RYR1: variants seen among roughly 807,000 people sequenced by gnomAD.
RYR1 encodes the protein ryanodine receptor 1.
Under a neutral mutation model 583.5 loss-of-function variants are expected in RYR1, and 342 were observed. The observed-to-expected ratio is 0.59, with a 90% CI of 0.54 to 0.64. The LOEUF (loss-of-function observed/expected upper bound fraction) is 0.64, where lower values mean the gene tolerates loss of function less well. Ranked by LOEUF, RYR1 falls within the 30% of genes least tolerant of loss-of-function variation. The pLI, the probability that RYR1 is intolerant of heterozygous loss-of-function variation, is 0.00. For synonymous variants in RYR1, 2,791 were observed against 2,822.5 expected (o/e 0.99, Z 0.35); for missense variants, 6,032 against 6,917.2 (o/e 0.87, Z 4.54).
intron 27 of RYR1, among the ~76,000 whole-genome samples, chr19:38,472,265 ATT>A (rs752851342): frequency 6.6e-6 from 1 of 151,784 alleles, no homozygotes; most frequent in Non-Finnish European, 1.5e-5. Flanking sequence ...CGCCTGGCTA[ATT>A]TTTTTGTATT....
rs147493512 is a variant in RYR1, at chr19:38,521,010, T to A, written c.10259+1556T>A. ...AAGTTTGGGGCCGGGTGCAGTGGCT[T>A]ACAACTGTAATCCCAGCACTTTGAG... On this transcript the variant is annotated intron_variant, in intron 67 of 105. Coordinates refer to ENST00000359596, the MANE Select transcript of RYR1 (RefSeq NM_000540.3). 8.7e-3 allele frequency among the ~76,000 whole-genome samples: 1,317 copies of A among 151,880 alleles called. 10 individuals carry two copies. The highest frequency in any genetic ancestry group is 0.013 in the Non-Finnish European group (878 of 67,902).
intron 22 of RYR1, 50 bp from the exon 23 acceptor site, chr19:38,464,589 C>T (rs1463351222): frequency 6.7e-7 from 1 of 1,488,290 alleles, no homozygotes; most frequent in Non-Finnish European, 9.2e-7. Context: ...GGAGACGGGG[C>T]AGGGAGCTCT....
intron 88 of RYR1, among the ~76,000 whole-genome samples, chr19:38,547,647 C>T (rs1972489643): frequency 6.6e-6 from 1 of 151,994 alleles, no homozygotes; most frequent in Admixed American, 6.6e-5. Flanking sequence ...AGTAGAGTCA[C>T]ACACTTCCCT....
chr19:38,567,428 G>A (rs564020163), intron 92 of RYR1, among the ~76,000 whole-genome samples: 96 of 152,290 alleles, frequency 6.3e-4, no homozygotes, highest in Admixed American at 1.5e-3. Context: ...AGGCCCCCAT[G>A]CCTACTCTGA....
In RYR1 at chr19:38,460,529, G is replaced by T. The variant is rs1395839581; in HGVS notation, c.2515G>T (p.Val839Leu). 22 of 1,613,958 alleles carry T rather than the reference G, an allele frequency of 1.4e-5. No individual in the cohort carries two copies. Among genetic ancestry groups the T allele is most frequent in the Non-Finnish European group, 1.8e-5 (21 of 1,180,028 alleles). The stretch of plus-strand genomic sequence containing the variant: ...GGAGGGGCCCCGGGGGCCTCACCTG[G>T]TGGGCCCCAGTCGCTGCCTCTCACA... ...RREGPRGPHL[V>L]GPSRCLSHTD... The change falls in exon 20 of 106, where the codon GTG (valine) becomes TTG (leucine). Residue 839 changes from valine (V) to leucine (L), a missense_variant. Physicochemically the swap from Val to Leu is conservative, Grantham distance 32. Coordinates refer to ENST00000359596, the MANE Select transcript of RYR1 (RefSeq NM_000540.3).
In RYR1 at chr19:38,506,511, G is replaced by A; in HGVS notation, c.8657G>A (p.Trp2886Ter). The A allele has an allele frequency of 6.2e-7, 1 of 1,614,086 alleles. No individual in the cohort carries two copies. The highest frequency in any genetic ancestry group is 8.5e-7 in the Non-Finnish European group (1 of 1,180,014). The change falls in exon 56 of 106, where the codon TGG (tryptophan) becomes TAG (stop). Residue 2886 changes from tryptophan (W) to a stop codon, truncating the protein, a stop_gained. Transcript: ENST00000359596. LOFTEE classifies it high-confidence loss of function. ...CTGGCAGAAAATTACCACAACACGTGGGGACGGAAGAAGAAGCAGGAGCTG... is the reference window on the plus strand; with the variant it reads ...CTGGCAGAAAATTACCACAACACGTAGGGACGGAAGAAGAAGCAGGAGCTG... ...EQLAENYHNT[W>*]GRKKKQELEA...
At chr19:38,523,984 C>A (rs930226686) in intron 70 of RYR1, 55 bp downstream of exon 70, 1 of 1,606,950 alleles carries the variant, frequency 6.2e-7, no homozygotes, top group Non-Finnish European at 8.5e-7. Flanking sequence ...CCCTCTTCCC[C>A]CAGCCTCTGC....
chr19:38,490,053 C>T, intron 35 of RYR1, 23 bp from the exon 36 acceptor site: 2 of 1,612,338 alleles, frequency 1.2e-6, no homozygotes, highest in Non-Finnish European at 1.7e-6. Flanking sequence ...CATCTCTCCT[C>T]CCACACGGCT....
In RYR1 at chr19:38,509,596, C is replaced by T. The variant is rs147003005; in HGVS notation, c.8933-902C>T. ...CCTCCCGAGTAGCTGGGACTACAGG[C>T]GCCTGCCACCATGCCCGGTTAATTT... On this transcript the variant is annotated intron_variant, in intron 58 of 105. Coordinates refer to ENST00000359596, the MANE Select transcript of RYR1 (RefSeq NM_000540.3). Among the ~76,000 whole-genome samples the T allele has an allele frequency of 5.9e-3, 900 of 151,892 alleles. 9 individuals carry two copies. Among genetic ancestry groups the T allele is most frequent in the African/African-American group, 0.02 (849 of 41,444 alleles).
intron 28 of RYR1, among the ~76,000 whole-genome samples, chr19:38,474,918 G>GGCT (rs2145490167): frequency 6.6e-6 from 1 of 152,128 alleles, no homozygotes; most frequent in African/African-American, 2.4e-5. Context: ...GTTTGGGAGG[G>GGCT]GCTGCTGCTG....
chr19:38,490,308 C>T (rs1458060197), intron 36 of RYR1, 32 bp downstream of exon 36: 1 of 1,593,682 alleles, frequency 6.3e-7, no homozygotes, highest in East Asian at 2.3e-5. Flanking sequence ...GCCACTTTTA[C>T]TGTCTAAACC....
chr19:38,523,392 C>T, intron 69 of RYR1, 83 bp downstream of exon 69: 1 of 1,538,904 alleles, frequency 6.5e-7, no homozygotes, highest in Non-Finnish European at 9.0e-7. Flanking sequence ...TGTCCTCACC[C>T]AGCCAGCCCG....
rs1316191544 is a variant in RYR1 at position 38,567,024 on chromosome 19, C to T, written c.13514+37C>T. Reference sequence around the variant, plus strand: ...TGGGGCTGAGGGGCCTAGCCCCTATCACTGCCTCCCTCCTAGAGTAGGAGC... The same window carrying T: ...TGGGGCTGAGGGGCCTAGCCCCTATTACTGCCTCCCTCCTAGAGTAGGAGC... On this transcript the variant is annotated intron_variant, in intron 92 of 105. Coordinates refer to ENST00000359596, the MANE Select transcript of RYR1 (RefSeq NM_000540.3). 3 of 1,556,620 alleles carry T rather than the reference C, an allele frequency of 1.9e-6. No individual in the cohort carries two copies. In the Middle Eastern group the frequency reaches 6.0e-4, roughly 311 times the overall value.
chr19:38,513,733 C>T lies in RYR1; in HGVS notation c.9472+1250C>T, dbSNP rs148226844. Among the ~76,000 whole-genome samples, 655 of 148,972 alleles carry T rather than the reference C, an allele frequency of 4.4e-3. 3 individuals carry two copies. The highest frequency in any genetic ancestry group is 0.015 in the African/African-American group (618 of 40,472). On this transcript the variant is annotated intron_variant, in intron 63 of 105. Coordinates refer to ENST00000359596, the MANE Select transcript of RYR1 (RefSeq NM_000540.3). ...CTTGGGCGACAGAGCAAGACTCCAT[C>T]TCAAAAAAAAAAAAAGAAAATTGTT...
rs758847105 is a variant in RYR1 at position 38,529,005 on chromosome 19, C to T, written c.11089C>T (p.Pro3697Ser). 3 of 1,613,724 alleles carry T rather than the reference C, an allele frequency of 1.9e-6. No homozygotes were observed. In the African/African-American group the frequency reaches 4.0e-5, roughly 22 times the overall value. ...EEEVEEKKPD[P>S]LHQLVLHFSR... is the part of the protein sequence containing the mutation. The stretch of plus-strand genomic sequence containing the variant: ...AGAGGTGGAAGAGAAGAAGCCAGAC[C>T]CCCTGCACCAGTTGGTCCTGCACTT... Residue 3697 changes from proline to serine, a missense_variant, in exon 76 of 106, where the codon CCC becomes TCC. Pro to Ser is a moderately conservative substitution (Grantham distance 74). Around this residue, in one of 11 missense-constraint regions of RYR1, gnomAD observed 1,493 missense variants for 1,715.5 expected, o/e 0.87. Coordinates refer to ENST00000359596, the MANE Select transcript of RYR1 (RefSeq NM_000540.3).
Position 38,460,408 on chromosome 19 carries a change from A to G in RYR1, c.2394A>G (p.Glu798=), listed in dbSNP as rs1337802150. 1 of 1,614,040 alleles carries G rather than the reference A, an allele frequency of 6.2e-7. No individual in the cohort carries two copies. The highest frequency in any genetic ancestry group is 1.7e-5 in the Admixed American group (1 of 60,002). The change falls in exon 20 of 106, where the codon GAA becomes GAG. Residue 798 remains glutamate (E), a synonymous_variant. Coordinates refer to ENST00000359596, the MANE Select transcript of RYR1 (RefSeq NM_000540.3). The stretch of plus-strand genomic sequence containing the variant: ...TCCTCCTTGGTGGCCGCCATGGTGA[A>G]TTCAAGTTCCTGCCCCCACCTGGCT... ...VRFLLGGRHG[E]FKFLPPPGYA...
In RYR1 at chr19:38,580,098, C is replaced by T. The variant is rs1232814586; in HGVS notation, c.14481C>T (p.Ile4827=). The change falls in exon 100 of 106, where the codon ATC becomes ATT. Residue 4827 remains isoleucine (I), a synonymous_variant. Transcript: ENST00000359596. ...TGGGGGTCAAGACGCTGCGCACCAT[C>T]CTGTCCTCTGTCACCCACAATGGGA... ...IAMGVKTLRT[I]LSSVTHNGKQ... is the part of the protein sequence containing the mutation. The T allele has an allele frequency of 6.2e-7, 1 of 1,614,226 alleles. No individual in the cohort carries two copies. Among genetic ancestry groups the T allele is most frequent in the Non-Finnish European group, 8.5e-7 (1 of 1,180,054 alleles).
At position 38,500,609 on chromosome 19, in the gene RYR1, A is replaced by G. The variant is rs1970064589; in HGVS notation, c.7327A>G (p.Ile2443Val). Reference protein sequence around the residue: ...LGRCAPEMHLIQAGKGEALRI... With the variant: ...LGRCAPEMHLVQAGKGEALRI... Reference sequence around the variant, plus strand: ...TCTCCCTCCCTCTACTCCCCAGCTAATCCAAGCCGGCAAGGGTGAGGCCCT... The same window carrying G: ...TCTCCCTCCCTCTACTCCCCAGCTAGTCCAAGCCGGCAAGGGTGAGGCCCT... The change falls in exon 46 of 106, where the codon ATC becomes GTC. Residue 2443 changes from isoleucine to valine, a missense_variant. By Grantham distance (29) the Ile-to-Val change is conservative. Around this residue, in one of 11 missense-constraint regions of RYR1, gnomAD observed 2,627 missense variants for 2,961.3 expected, o/e 0.89. Coordinates refer to ENST00000359596, the MANE Select transcript of RYR1 (RefSeq NM_000540.3). The surrounding 1 kb of genome is among the most constrained non-coding windows in gnomAD (Gnocchi z 5.9). 1.2e-6 allele frequency: 2 copies of G among 1,612,528 alleles called. No individual in the cohort carries two copies. Among genetic ancestry groups the G allele is most frequent in the Admixed American group, 1.7e-5 (1 of 59,990 alleles).
intron 89 of RYR1, among the ~76,000 whole-genome samples, chr19:38,557,341 G>A (rs889200561): frequency 6.6e-6 from 1 of 152,218 alleles, no homozygotes; most frequent in Admixed American, 6.5e-5. Context: ...TGTGGGGGCT[G>A]ATAGTCCAGT....
Sources: gnomAD v4.1 joint callset for allele counts (sites outside exome capture counted in the v4.1 genomes callset) on GRCh38, gnomAD v4.1.1 for gene constraint, gnomAD v4.1.1 regional missense constraint, Gnocchi (gnomAD v3.1) non-coding constraint, MANE v1.5 for transcripts, NCBI Gene and HGNC (gene_info 2026-07-23, HGNC 2026-07-21) for gene names.